DDR2: variants seen among roughly 807,000 people sequenced by gnomAD.
The protein encoded by DDR2 is discoidin domain receptor tyrosine kinase 2.
DDR2 carries 27 observed loss-of-function variants against 94.9 expected under a neutral mutation model. The ratio of observed to expected loss-of-function variants is 0.28; its 90% CI spans 0.21 to 0.39. DDR2 has a LOEUF of 0.39. Ranked by LOEUF, DDR2 falls within the 10% of genes least tolerant of loss-of-function variation. The pLI, the probability that DDR2 is intolerant of heterozygous loss-of-function variation, is 1.00. For missense variants in DDR2, 783 were observed against 1,076.0 expected (o/e 0.73, Z 3.81); for synonymous variants, 382 against 377.2 (o/e 1.01, Z -0.15).
chr1:162,719,827 T>C lies in DDR2; in HGVS notation c.82+682T>C, dbSNP rs566713785. 2.7e-4 allele frequency among the ~76,000 whole-genome samples: 41 copies of C among 152,256 alleles called. 2 individuals carry two copies. In the South Asian group the frequency reaches 3.5e-3, roughly 13 times the overall value. On this transcript the variant is annotated intron_variant, in intron 3 of 17. Coordinates refer to ENST00000367921, the MANE Select transcript of DDR2 (RefSeq NM_006182.4). ...CTTGTTTGGACTGTTCTCTGTTCTG[T>C]GTTGATTTACTCAAGCATAACTGGA...
chr1:162,737,607 C>T (rs959581833), intron 3 of DDR2, among the ~76,000 whole-genome samples: 3 of 114,480 alleles, frequency 2.6e-5, no homozygotes, highest in Admixed American at 9.6e-5. Context: ...TGAATAATGC[C>T]GCAATAAACA....
chr1:162,667,283 C>A (rs890321332), intron 2 of DDR2, among the ~76,000 whole-genome samples: 1 of 152,090 alleles, frequency 6.6e-6, no homozygotes, highest in African/African-American at 2.4e-5. Context: ...TTACTCATAA[C>A]CACCACAAGA....
intron 2 of DDR2, among the ~76,000 whole-genome samples, chr1:162,686,553 T>A (rs1181547613): frequency 6.6e-6 from 1 of 152,218 alleles, no homozygotes; most frequent in East Asian, 1.9e-4. Flanking sequence ...GAACTCATTG[T>A]TTTTTATGGC....
intron 2 of DDR2, among the ~76,000 whole-genome samples, chr1:162,689,441 C>T (rs895660216): frequency 1.3e-5 from 2 of 152,136 alleles, no homozygotes; most frequent in Non-Finnish European, 1.5e-5. Context: ...AGGTTTCAAC[C>T]TAGGCAGTTA....
intron 2 of DDR2, among the ~76,000 whole-genome samples, chr1:162,658,051 G>C (rs73018544): frequency 3.3e-5 from 5 of 152,090 alleles, no homozygotes; most frequent in Non-Finnish European, 7.3e-5. Context: ...GCTCAAAAGA[G>C]CAACTCTGCC....
intron 2 of DDR2, among the ~76,000 whole-genome samples, chr1:162,671,852 CAT>C (rs1326049765): frequency 1.3e-5 from 2 of 152,176 alleles, no homozygotes; most frequent in African/African-American, 4.8e-5. Context: ...AGGTCAAAAA[CAT>C]AGTCATCTTT....
At chr1:162,715,790 G>A (rs535565795) in intron 2 of DDR2, among the ~76,000 whole-genome samples, 5 of 152,284 alleles carry the variant, frequency 3.3e-5, no homozygotes, top group African/African-American at 9.6e-5. Context: ...TCTCTGATTC[G>A]TAGTAGAAGT....
Position 162,782,398 on chromosome 1 carries a change from T to C in DDR2, c.*2152T>C, listed in dbSNP as rs1647953085. The stretch of plus-strand genomic sequence containing the variant: ...ATCATGGAAGAAATCACTGTAATGG[T>C]AGTAATAGTAACACATGCCATTTGT... On this transcript the variant is annotated 3_prime_UTR_variant, in exon 18 of 18. Transcript: ENST00000367921. 1 of 148,700 alleles carries C rather than the reference T, an allele frequency of 6.7e-6. No individual in the cohort carries two copies. Among genetic ancestry groups the C allele is most frequent in the African/African-American group, 2.6e-5 (1 of 38,144 alleles). 9.2% of individuals were successfully genotyped at this position (148,700 alleles called of 1,614,324 possible).
chr1:162,769,153 G>C (rs1664141856), intron 11 of DDR2, among the ~76,000 whole-genome samples: 2 of 152,080 alleles, frequency 1.3e-5, no homozygotes, highest in South Asian at 2.1e-4. Context: ...TATCTTCATG[G>C]GCTAAGAGAG....
chr1:162,755,524 C>T, intron 6 of DDR2, 140 bp from the exon 7 acceptor site: 1 of 1,031,876 alleles, frequency 9.7e-7, no homozygotes, highest in Non-Finnish European at 1.5e-6. Flanking sequence ...TGGAGGGGCA[C>T]TCCTCCAAAG....
At chr1:162,633,459 TAA>T (rs1190242814) in intron 1 of DDR2, among the ~76,000 whole-genome samples, 2 of 152,184 alleles carry the variant, frequency 1.3e-5, no homozygotes, top group Non-Finnish European at 2.9e-5. Context: ...AACACAGAGT[TAA>T]GAGTCCTGAA....
chr1:162,688,715 C>T (rs764770233), intron 2 of DDR2, among the ~76,000 whole-genome samples: 1 of 152,284 alleles, frequency 6.6e-6, no homozygotes, highest in African/African-American at 2.4e-5. Flanking sequence ...CTTCAGGAGA[C>T]GTGATAATCC....
intron 1 of DDR2, among the ~76,000 whole-genome samples, chr1:162,634,156 G>T (rs575396776): frequency 5.9e-5 from 9 of 152,202 alleles, no homozygotes; most frequent in Non-Finnish European, 1.2e-4. Context: ...TTCTCTCTCA[G>T]AGGCCACTTC....
intron 8 of DDR2, among the ~76,000 whole-genome samples, chr1:162,760,759 C>G (rs1392876451): frequency 6.6e-6 from 1 of 151,892 alleles, no homozygotes; most frequent in Non-Finnish European, 1.5e-5. Context: ...TTGGCCACCT[C>G]ACTTCATGTT....
At chr1:162,729,869 G>C (rs1475969971) in intron 3 of DDR2, among the ~76,000 whole-genome samples, 1 of 151,486 alleles carries the variant, frequency 6.6e-6, no homozygotes, top group African/African-American at 2.4e-5. Flanking sequence ...TCAGCCTCTC[G>C]AGTAGCTGGG....
chr1:162,766,944 G>C lies in DDR2; in HGVS notation c.1163-285G>C, dbSNP rs1780002. ...CTACTCAGGAGGCTGAGGCAGAATT[G>C]CTTGAACCTGGGAGGGGGAGGTTTC... On this transcript the variant is annotated intron_variant, in intron 10 of 17. Coordinates refer to ENST00000367921, the MANE Select transcript of DDR2 (RefSeq NM_006182.4). Among the ~76,000 whole-genome samples, 144,510 of 151,282 alleles carry C rather than the reference G, an allele frequency of 0.96. 69,374 individuals carry two copies. Among genetic ancestry groups the C allele is most frequent in the East Asian group, 1 (5,128 of 5,128 alleles).
At chr1:162,739,963 C>G (rs1210655304) in intron 3 of DDR2, among the ~76,000 whole-genome samples, 1 of 145,136 alleles carries the variant, frequency 6.9e-6, no homozygotes, top group African/African-American at 2.6e-5. Context: ...AGAATGGAAC[C>G]TGAAAAAAAA....
At chr1:162,658,829 A>AAATAAATAAATAAATAAAT (rs60623253) in intron 2 of DDR2, among the ~76,000 whole-genome samples, 8,421 of 133,582 alleles carry the variant, frequency 0.063, 398 homozygotes, top group African/African-American at 0.1. Flanking sequence ...CCTGTCTCAA[A>AAATAAATAAATAAATAAAT]AAATAAATAA....
chr1:162,673,789 C>A (rs902540636), intron 2 of DDR2, among the ~76,000 whole-genome samples: 6 of 152,018 alleles, frequency 3.9e-5, no homozygotes, highest in Non-Finnish European at 1.5e-5. Flanking sequence ...CATTTCCCCC[C>A]ATGGACCATG....
Sources: gnomAD v4.1 joint callset for allele counts (sites outside exome capture counted in the v4.1 genomes callset) on GRCh38, gnomAD v4.1.1 for gene constraint, MANE v1.5 for transcripts, NCBI Gene and HGNC (gene_info 2026-07-23, HGNC 2026-07-21) for gene names.